Variants in ATRNL1 observed in about 807,000 individuals in gnomAD.
ATRNL1 encodes attractin like 1.
ATRNL1 carries 95 observed loss-of-function variants against 182.7 expected under a neutral mutation model. That is an observed-to-expected ratio of 0.52 (90% CI 0.44 to 0.62). The LOEUF is 0.62. ATRNL1 is among the 20% of genes least tolerant of loss of function. The probability of loss-of-function intolerance (pLI) is 0.00; values close to 1 mark genes in which losing one functional copy is unlikely to be tolerated. For missense variants in ATRNL1, 1,471 were observed against 1,679.5 expected, an observed-to-expected ratio of 0.88 and a Z score of 2.17; for synonymous variants, 576 against 568.3, an observed-to-expected ratio of 1.01 and a Z score of -0.19.
At chr10:115,841,160 C>G (rs2134338390) in intron 27 of ATRNL1, among the ~76,000 whole-genome samples, 1 of 152,140 alleles carries the variant, frequency 6.6e-6, no homozygotes, top group South Asian at 2.1e-4. Context: ...TATTAACCAA[C>G]TCAGGGCAAA....
intron 27 of ATRNL1, among the ~76,000 whole-genome samples, chr10:115,831,647 G>A (rs1271243043): frequency 2.0e-5 from 3 of 152,106 alleles, no homozygotes; most frequent in East Asian, 1.9e-4. Flanking sequence ...ACATGACATA[G>A]CTACTTTGTG....
intron 26 of ATRNL1, among the ~76,000 whole-genome samples, chr10:115,704,908 CT>C (rs1555052627): frequency 1.3e-5 from 2 of 151,718 alleles, no homozygotes; most frequent in Non-Finnish European, 2.9e-5. Context: ...ACCCTCTTCT[CT>C]TTCTCTTTCT....
intron 25 of ATRNL1, among the ~76,000 whole-genome samples, chr10:115,531,386 G>A (rs1851571647): frequency 1.3e-5 from 2 of 152,122 alleles, no homozygotes; most frequent in South Asian, 4.1e-4. Context: ...CAGTGATGGT[G>A]AGCATTTTTT....
At chr10:115,589,616 A>T (rs1407386851) in intron 26 of ATRNL1, among the ~76,000 whole-genome samples, 3 of 152,132 alleles carry the variant, frequency 2.0e-5, no homozygotes, top group Admixed American at 1.3e-4. Flanking sequence ...GTGTAGGATG[A>T]TATATTTTCT....
chr10:115,164,871 A>C (rs1000219087), intron 6 of ATRNL1, among the ~76,000 whole-genome samples: 19 of 152,112 alleles, frequency 1.2e-4, no homozygotes, highest in Admixed American at 3.9e-4. Context: ...GAGTGCCAAA[A>C]AGCAATTAGA....
rs1461869207 is a variant in ATRNL1 at position 115,195,151 on chromosome 10, G to A, written c.1349-20546G>A. Among the ~76,000 whole-genome samples, 7 of 152,002 alleles carry A rather than the reference G, an allele frequency of 4.6e-5. No individual in the cohort carries two copies. In the South Asian group the frequency reaches 1.5e-3, roughly 32 times the overall value. Reference sequence around the variant, plus strand: ...GAGTGCTTTATGTATTTCAGTTATAGTATTAAGCGTATTCTCTGTATGTTT... The same window carrying A: ...GAGTGCTTTATGTATTTCAGTTATAATATTAAGCGTATTCTCTGTATGTTT... On this transcript the variant is annotated intron_variant, in intron 8 of 28. Transcript: ENST00000355044.
At chr10:115,502,924 C>T (rs1849918539) in intron 24 of ATRNL1, among the ~76,000 whole-genome samples, 1 of 152,060 alleles carries the variant, frequency 6.6e-6, no homozygotes, top group Non-Finnish European at 1.5e-5. Context: ...TCTCACATCC[C>T]CACCTCCTCT....
intron 27 of ATRNL1, among the ~76,000 whole-genome samples, chr10:115,816,278 A>G (rs1467365147): frequency 1.3e-5 from 2 of 152,120 alleles, no homozygotes; most frequent in Non-Finnish European, 2.9e-5. Flanking sequence ...ACATTGTATC[A>G]CTAAGTTCTT....
chr10:115,493,750 C>G (rs1277363739), intron 24 of ATRNL1, among the ~76,000 whole-genome samples: 1 of 152,294 alleles, frequency 6.6e-6, no homozygotes, highest in South Asian at 2.1e-4. Context: ...TAAGTTTTCT[C>G]TTTTCTCTGC....
At chr10:115,570,989 T>G (rs1363505594) in intron 26 of ATRNL1, among the ~76,000 whole-genome samples, 3 of 152,166 alleles carry the variant, frequency 2.0e-5, no homozygotes, top group African/African-American at 7.2e-5. Flanking sequence ...GGATAGCTTA[T>G]CTCTCCCCAA....
At chr10:115,519,232 A>G (rs1850792549) in intron 24 of ATRNL1, 31 bp from the exon 25 acceptor site, 3 of 1,570,782 alleles carry the variant, frequency 1.9e-6, no homozygotes, top group East Asian at 2.3e-5. Flanking sequence ...AGAAGAACAT[A>G]CTTTCAATTT....
intron 26 of ATRNL1, among the ~76,000 whole-genome samples, chr10:115,672,183 T>C (rs1555041606): frequency 1.3e-5 from 2 of 152,128 alleles, no homozygotes; most frequent in Non-Finnish European, 2.9e-5. Flanking sequence ...TCTAGATGTC[T>C]TTATATGATC....
intron 27 of ATRNL1, among the ~76,000 whole-genome samples, chr10:115,742,980 C>A (rs1471943244): frequency 6.6e-6 from 1 of 152,046 alleles, no homozygotes; most frequent in Non-Finnish European, 1.5e-5. Flanking sequence ...GAAGGGGAAG[C>A]AAATATGTCC....
At chr10:115,536,111 G>A (rs377669702) in intron 25 of ATRNL1, among the ~76,000 whole-genome samples, 84 of 152,228 alleles carry the variant, frequency 5.5e-4, no homozygotes, top group African/African-American at 1.5e-3. Flanking sequence ...CTCCAGCTGC[G>A]TGCTGGGAGA....
rs1479174540 is a variant in ATRNL1 at position 115,456,177 on chromosome 10, C to G, written c.3323-5764C>G. Among the ~76,000 whole-genome samples the G allele has an allele frequency of 2.6e-5, 4 of 152,168 alleles. No individual in the cohort carries two copies. The East Asian group carries it at 7.7e-4, about 29-fold the overall frequency. On this transcript the variant is annotated intron_variant, in intron 21 of 28. Coordinates refer to ENST00000355044, the MANE Select transcript of ATRNL1 (RefSeq NM_207303.4). ...TATAAATCATACTACTATAAAGACACATGCACACATGTGTTTATTGCAGCA... is the reference window on the plus strand; with the variant it reads ...TATAAATCATACTACTATAAAGACAGATGCACACATGTGTTTATTGCAGCA...
chr10:115,923,997 A>G (rs1315378128), intron 28 of ATRNL1, among the ~76,000 whole-genome samples: 1 of 152,162 alleles, frequency 6.6e-6, no homozygotes, highest in African/African-American at 2.4e-5. Flanking sequence ...CATTTCTTTA[A>G]TGATCAGTGA....
At chr10:115,790,635 T>TA (rs34894694) in intron 27 of ATRNL1, among the ~76,000 whole-genome samples, 2,418 of 139,854 alleles carry the variant, frequency 0.017, 37 homozygotes, top group East Asian at 0.044. Context: ...TAACTTGACT[T>TA]AAAAAAAAAA....
chr10:115,885,927 G>T (rs1008151471), intron 28 of ATRNL1, among the ~76,000 whole-genome samples: 1 of 152,140 alleles, frequency 6.6e-6, no homozygotes, highest in Non-Finnish European at 1.5e-5. Flanking sequence ...AGTTTTAAAT[G>T]TTGTGTTTTC....
In ATRNL1 at chr10:115,334,275, C is replaced by A; in HGVS notation, c.3038-7C>A. 1 of 1,505,818 alleles carries A rather than the reference C, an allele frequency of 6.6e-7. No individual in the cohort carries two copies. The highest frequency in any genetic ancestry group is 9.0e-7 in the Non-Finnish European group (1 of 1,110,724). The allele number at this position is 1,505,818 out of a possible 1,614,324, so 93.3% of individuals were successfully genotyped here. A position where few individuals can be genotyped will look rare whatever the true frequency, so the allele number is the denominator to read the frequency against. ...ATATTTGTAATGCTTTTTACTGTTT[C>A]CTTTAGCTTGCCAGTGTAATGGACA... On this transcript the variant is annotated splice_polypyrimidine_tract_variant and splice_region_variant and intron_variant, in intron 18 of 28. Transcript: ENST00000355044.
Sources: allele counts gnomAD v4.1 joint callset (sites outside exome capture counted in the v4.1 genomes callset), GRCh38; gene constraint gnomAD v4.1.1; transcripts MANE v1.5; gene names NCBI Gene and HGNC (gene_info 2026-07-23, HGNC 2026-07-21).